Variants in GPC6 observed in about 807,000 individuals in gnomAD.
GPC6 encodes glypican 6.
In GPC6, 14 loss-of-function variants were observed where a neutral mutation model predicts 55.2. The ratio of observed to expected loss-of-function variants is 0.25; its 90% CI spans 0.17 to 0.40. GPC6 has a LOEUF of 0.40. GPC6 is among the 10% of genes least tolerant of loss of function. GPC6 has a pLI of 1.00. For missense variants in GPC6, 641 were observed against 708.5 expected (o/e 0.90, Z 1.08); for synonymous variants, 278 against 259.6 (o/e 1.07, Z -0.68).
In GPC6 at chr13:93,615,549, C is replaced by T. The variant is rs118011011; in HGVS notation, c.319+70128C>T. Among the ~76,000 whole-genome samples, 8 of 152,222 alleles carry T rather than the reference C, an allele frequency of 5.3e-5. No individual in the cohort carries two copies. In the East Asian group the frequency reaches 1.5e-3, roughly 29 times the overall value. ...TGTTAATGGGCTATTTGGGCAGCAG[C>T]CACACAAACGCTTTCACATAGATCA... is the stretch of plus-strand genomic sequence containing the variant. On this transcript the variant is annotated intron_variant, in intron 2 of 8. Coordinates refer to ENST00000377047, the MANE Select transcript of GPC6 (RefSeq NM_005708.5).
At chr13:93,246,499 A>G (rs149123265) in intron 1 of GPC6, among the ~76,000 whole-genome samples, 1 of 152,086 alleles carries the variant, frequency 6.6e-6, no homozygotes, top group African/African-American at 2.4e-5. Flanking sequence ...AAATAATAAT[A>G]ATAAATAACT....
At chr13:94,234,508 C>CTTT (rs56709078) in intron 4 of GPC6, among the ~76,000 whole-genome samples, 1,618 of 136,070 alleles carry the variant, frequency 0.012, 44 homozygotes, top group African/African-American at 0.037. Flanking sequence ...CTTTTGTTTG[C>CTTT]TTTTTTTTTT....
At chr13:93,543,330 T>C (rs1227536629) in intron 1 of GPC6, among the ~76,000 whole-genome samples, 1 of 152,174 alleles carries the variant, frequency 6.6e-6, no homozygotes, top group African/African-American at 2.4e-5. Context: ...TTACATTTAT[T>C]GATTTGCGTA....
intron 8 of GPC6, 47 bp from the exon 9 acceptor site, chr13:94,402,968 T>C: frequency 7.3e-7 from 1 of 1,360,592 alleles, no homozygotes; most frequent in South Asian, 1.2e-5. Context: ...CCACAAAGCC[T>C]AAACATATCA....
intron 2 of GPC6, among the ~76,000 whole-genome samples, chr13:93,733,979 C>T (rs1169324591): frequency 1.3e-5 from 2 of 151,980 alleles, no homozygotes; most frequent in Non-Finnish European, 2.9e-5. Context: ...TTAAGCTATC[C>T]ACACCCACAT....
intron 3 of GPC6, among the ~76,000 whole-genome samples, chr13:93,881,385 A>G (rs575242327): frequency 6.6e-6 from 1 of 152,142 alleles, no homozygotes; most frequent in Admixed American, 6.6e-5. Flanking sequence ...GCTTCTTAAC[A>G]TATGCTATCT....
chr13:93,639,666 T>C (rs1410350736), intron 2 of GPC6, among the ~76,000 whole-genome samples: 1 of 152,124 alleles, frequency 6.6e-6, no homozygotes, highest in African/African-American at 2.4e-5. Context: ...TGATTTGGTT[T>C]GCAAGAGGAG....
chr13:93,928,828 G>A (rs545565522), intron 3 of GPC6, among the ~76,000 whole-genome samples: 1 of 150,724 alleles, frequency 6.6e-6, no homozygotes, highest in East Asian at 2.0e-4. Flanking sequence ...TATCCCGAGA[G>A]AGGGCTTTCT....
chr13:93,578,238 C>T (rs1876759298), intron 2 of GPC6, among the ~76,000 whole-genome samples: 1 of 151,862 alleles, frequency 6.6e-6, no homozygotes, highest in Admixed American at 6.6e-5. Flanking sequence ...GGAAGTATTC[C>T]CTCCTGTTCA....
At chr13:93,878,005 T>C (rs1874698898) in intron 3 of GPC6, among the ~76,000 whole-genome samples, 2 of 152,054 alleles carry the variant, frequency 1.3e-5, no homozygotes, top group Non-Finnish European at 2.9e-5. Flanking sequence ...TTTAAAGTTA[T>C]CTGGTAGGCA....
intron 1 of GPC6, among the ~76,000 whole-genome samples, chr13:93,377,846 A>C (rs1022214964): frequency 2.6e-5 from 4 of 152,232 alleles, no homozygotes; most frequent in Non-Finnish European, 4.4e-5. Context: ...ACTGAAGTCT[A>C]TTCTTCAAAA....
intron 4 of GPC6, among the ~76,000 whole-genome samples, chr13:94,119,831 G>A (rs1409657039): frequency 6.6e-6 from 1 of 152,058 alleles, no homozygotes; most frequent in Admixed American, 6.6e-5. Flanking sequence ...TTGATTTGTA[G>A]CATTTGTCAA....
intron 1 of GPC6, among the ~76,000 whole-genome samples, chr13:93,337,295 T>A (rs1331336204): frequency 1.3e-5 from 2 of 152,216 alleles, no homozygotes; most frequent in Non-Finnish European, 2.9e-5. Context: ...TATGAAGGTT[T>A]ATTATGAGAT....
intron 6 of GPC6, among the ~76,000 whole-genome samples, chr13:94,310,500 T>C (rs1414881525): frequency 6.6e-6 from 1 of 152,216 alleles, no homozygotes; most frequent in Non-Finnish European, 1.5e-5. Context: ...AATCTCTTTT[T>C]CTTTTTCCTT....
chr13:93,330,789 C>T (rs576017614), intron 1 of GPC6, among the ~76,000 whole-genome samples: 1 of 152,262 alleles, frequency 6.6e-6, no homozygotes, highest in South Asian at 2.1e-4. Flanking sequence ...CTGCTGGCTT[C>T]TTTCTTTCAA....
chr13:94,006,504 C>A (rs1218341804), intron 3 of GPC6, among the ~76,000 whole-genome samples: 4 of 152,176 alleles, frequency 2.6e-5, no homozygotes, highest in Admixed American at 1.3e-4. Flanking sequence ...ATAGCCTGTA[C>A]TTTGTATGAT....
chr13:94,226,206 A>G (rs1890553323), intron 4 of GPC6, among the ~76,000 whole-genome samples: 1 of 152,176 alleles, frequency 6.6e-6, no homozygotes, highest in African/African-American at 2.4e-5. Flanking sequence ...GCAAGTTTAT[A>G]TACATAAATA....
At chr13:94,204,437 C>T (rs1337216194) in intron 4 of GPC6, among the ~76,000 whole-genome samples, 1 of 152,114 alleles carries the variant, frequency 6.6e-6, no homozygotes, top group African/African-American at 2.4e-5. Flanking sequence ...CAACAAAATA[C>T]ATAAATCAAT....
intron 5 of GPC6, among the ~76,000 whole-genome samples, chr13:94,305,415 A>C (rs540594041): frequency 6.6e-6 from 1 of 152,226 alleles, no homozygotes; most frequent in Non-Finnish European, 1.5e-5. Flanking sequence ...TATTTTTGCT[A>C]TAAGACACAT....
Sources: allele counts gnomAD v4.1 joint callset (sites outside exome capture counted in the v4.1 genomes callset), GRCh38; gene constraint gnomAD v4.1.1; transcripts MANE v1.5; gene names NCBI Gene and HGNC (gene_info 2026-07-23, HGNC 2026-07-21).